The following LPCAT2 variants were observed in gnomAD, a reference collection of about 807,000 sequenced individuals.
LPCAT2 encodes the protein lysophosphatidylcholine acyltransferase 2.
In LPCAT2, 58 loss-of-function variants were observed where a neutral mutation model predicts 64.7. That is an observed-to-expected ratio of 0.90 (90% CI 0.73 to 1.12). LPCAT2 has a LOEUF of 1.12. Among genes scored for constraint, LPCAT2 ranks in the 50% most tolerant of loss-of-function variants. The pLI is 0.00. For synonymous variants in LPCAT2, 252 were observed against 245.3 expected (o/e 1.03, Z -0.26); for missense variants, 579 against 669.8 (o/e 0.86, Z 1.50).
rs925304048 is a variant in LPCAT2, at chr16:55,525,724, A to C, written c.311+77A>C. 8.9e-6 allele frequency: 10 copies of C among 1,120,810 alleles called. No homozygotes were observed. The African/African-American group carries it at 1.6e-4, about 18-fold the overall frequency. The allele number at this position is 1,120,810 out of a possible 1,614,324, so 69.4% of individuals were successfully genotyped here. A position where few individuals can be genotyped will look rare whatever the true frequency, so the allele number is the denominator to read the frequency against. On this transcript the variant is annotated intron_variant, in intron 2 of 13. Transcript: ENST00000262134. ...TACTAAATCAATATAAGAAGAGTTC[A>C]TCATAGTTTAGTCAGTGATCTAACT...
chr16:55,574,555 G>C (rs1596888830), intron 11 of LPCAT2, 76 bp from the exon 12 acceptor site: 1 of 1,023,558 alleles, frequency 9.8e-7, no homozygotes. Flanking sequence ...AGACATACCT[G>C]AATTTTACCT....
intron 1 of LPCAT2, among the ~76,000 whole-genome samples, chr16:55,513,796 A>G (rs1022630208): frequency 6.6e-6 from 1 of 152,198 alleles, no homozygotes; most frequent in Non-Finnish European, 1.5e-5. Flanking sequence ...AATTGTCATT[A>G]CTGGTCAGTC....
At chr16:55,566,612 T>G in intron 11 of LPCAT2, 2 of 832,292 alleles carry the variant, frequency 2.4e-6, no homozygotes, top group Non-Finnish European at 1.8e-6. Flanking sequence ...CAGTAGGATG[T>G]GAAACATCAC....
At chr16:55,575,611 A>G (rs971787169) in intron 12 of LPCAT2, among the ~76,000 whole-genome samples, 2 of 151,992 alleles carry the variant, frequency 1.3e-5, no homozygotes, top group Non-Finnish European at 2.9e-5. Flanking sequence ...TCTCTTCCTG[A>G]CTTTCTTGGA....
chr16:55,563,101 C>T (rs1263573433), intron 11 of LPCAT2, among the ~76,000 whole-genome samples: 2 of 151,840 alleles, frequency 1.3e-5, no homozygotes, highest in African/African-American at 4.8e-5. Flanking sequence ...GTACTACGAA[C>T]AACTGTATGC....
intron 6 of LPCAT2, 78 bp downstream of exon 6, chr16:55,532,960 T>C (rs1288715922): frequency 1.7e-6 from 2 of 1,193,804 alleles, no homozygotes; most frequent in Non-Finnish European, 2.5e-6. Flanking sequence ...TTTTAATATA[T>C]AAATAAGGTT....
intron 11 of LPCAT2, among the ~76,000 whole-genome samples, chr16:55,571,247 A>G (rs763892272): frequency 6.6e-6 from 1 of 152,188 alleles, no homozygotes; most frequent in Non-Finnish European, 1.5e-5. Context: ...CATGAGAATC[A>G]CCACTTATTT....
intron 10 of LPCAT2, among the ~76,000 whole-genome samples, chr16:55,550,249 T>C (rs1414168954): frequency 3.3e-5 from 5 of 152,234 alleles, no homozygotes; most frequent in African/African-American, 1.2e-4. Context: ...AGGTCATTAG[T>C]TTAATTCAAC....
chr16:55,576,009 T>C (rs1416715062), intron 12 of LPCAT2, among the ~76,000 whole-genome samples: 2 of 152,198 alleles, frequency 1.3e-5, no homozygotes, highest in South Asian at 4.1e-4. Flanking sequence ...TACGTGTAAT[T>C]ATCAGTTTAG....
chr16:55,537,551 A>C, intron 7 of LPCAT2, 27 bp from the exon 8 acceptor site: 1 of 1,586,572 alleles, frequency 6.3e-7, no homozygotes, highest in Non-Finnish European at 8.6e-7. Context: ...GACTGTATAA[A>C]GATAGACTTT....
chr16:55,555,044 T>C (rs532666467), intron 11 of LPCAT2, among the ~76,000 whole-genome samples: 1 of 152,254 alleles, frequency 6.6e-6, no homozygotes, highest in African/African-American at 2.4e-5. Flanking sequence ...CCATAGCAGA[T>C]ATAATAATAA....
chr16:55,560,059 A>T (rs1963619043), intron 11 of LPCAT2, among the ~76,000 whole-genome samples: 1 of 152,200 alleles, frequency 6.6e-6, no homozygotes, highest in African/African-American at 2.4e-5. Flanking sequence ...TAAAATTAAA[A>T]TGTAACTTTT....
chr16:55,542,903 T>C (rs1238466093), intron 8 of LPCAT2, among the ~76,000 whole-genome samples: 1 of 152,036 alleles, frequency 6.6e-6, no homozygotes, highest in Admixed American at 6.6e-5. Flanking sequence ...TCAATGTGAG[T>C]AATGAGGATA....
In LPCAT2 at chr16:55,532,902, A is replaced by G; in HGVS notation, c.762+20A>G. On this transcript the variant is annotated intron_variant, in intron 6 of 13. Transcript: ENST00000262134. ...AAGCTGGTAAGCACAGTATTTTACC[A>G]CAGGAAGAATTTCAGTATTCCAAGT... The G allele has an allele frequency of 6.2e-7, 1 of 1,602,314 alleles. No individual in the cohort carries two copies. Among genetic ancestry groups the G allele is most frequent in the Non-Finnish European group, 8.5e-7 (1 of 1,170,434 alleles).
intron 1 of LPCAT2, among the ~76,000 whole-genome samples, chr16:55,514,019 A>G (rs941030233): frequency 7.2e-5 from 11 of 152,184 alleles, no homozygotes; most frequent in African/African-American, 1.7e-4. Flanking sequence ...CCCGGGCAAC[A>G]TAGGGAGACT....
At chr16:55,573,429 G>A (rs1194420752) in intron 11 of LPCAT2, among the ~76,000 whole-genome samples, 1 of 151,020 alleles carries the variant, frequency 6.6e-6, no homozygotes, top group Non-Finnish European at 1.5e-5. Flanking sequence ...TCTGTGCCTC[G>A]GAATGAGAAT....
Position 55,567,177 on chromosome 16 carries a change from T to A in LPCAT2, c.1216-7454T>A, listed in dbSNP as rs778913395. ...CAGTGACACGACTGGTAAGCTGGGC[T>A]TTGAAGAATTTAAGTATCTGTGGAA... On this transcript the variant is annotated intron_variant, in intron 11 of 13. Coordinates refer to ENST00000262134, the MANE Select transcript of LPCAT2 (RefSeq NM_017839.5). 10 of 1,613,894 alleles carry A rather than the reference T, an allele frequency of 6.2e-6. No homozygotes were observed. In the Admixed American group the frequency reaches 1.2e-4, roughly 19 times the overall value.
chr16:55,521,126 A>G (rs1441988043), intron 1 of LPCAT2, among the ~76,000 whole-genome samples: 2 of 151,788 alleles, frequency 1.3e-5, no homozygotes, highest in African/African-American at 4.8e-5. Flanking sequence ...AAAACAAGAA[A>G]GAAAATGCAA....
intron 12 of LPCAT2, among the ~76,000 whole-genome samples, chr16:55,575,401 C>T (rs1963816311): frequency 6.6e-6 from 1 of 152,126 alleles, no homozygotes; most frequent in Non-Finnish European, 1.5e-5. Flanking sequence ...GTGTTCTGTT[C>T]TGAGAGTAAA....
Sources: gnomAD v4.1 joint callset for allele counts (sites outside exome capture counted in the v4.1 genomes callset) on GRCh38, gnomAD v4.1.1 for gene constraint, MANE v1.5 for transcripts, NCBI Gene and HGNC (gene_info 2026-07-23, HGNC 2026-07-21) for gene names.